Variants in NLRP4 observed in about 807,000 individuals in gnomAD.
NLRP4 encodes the protein NACHT, LRR and PYD domains-containing protein 4.
Under a neutral mutation model 84.7 loss-of-function variants are expected in NLRP4, and 44 were observed. That is an observed-to-expected ratio of 0.52 (90% CI 0.41 to 0.67). The LOEUF is 0.67. NLRP4 is among the 30% of genes least tolerant of loss of function. The pLI is 0.00. For synonymous variants in NLRP4, 544 were observed against 476.4 expected (o/e 1.14, Z -1.85); for missense variants, 1,260 against 1,219.4 (o/e 1.03, Z -0.50).
In NLRP4 at chr19:55,858,131, T is replaced by C. The variant is rs771035481; in HGVS notation, c.738T>C (p.Asp246=). The C allele has an allele frequency of 1.2e-5, 20 of 1,614,104 alleles. No individual in the cohort carries two copies. The highest frequency in any genetic ancestry group is 3.3e-5 in the Admixed American group (2 of 60,004). ...GCGGCTTGAACGAACCCGATTCGGA[T>C]CTGTGTGGTGACTTGATGGAGAAAC... The part of the protein sequence containing the change: ...LQGGLNEPDS[D]LCGDLMEKRP... The change falls in exon 3 of 10, where the codon GAT becomes GAC. Residue 246 remains aspartate (D), a synonymous_variant. Transcript: ENST00000301295. The surrounding 1 kb of genome is among the most constrained non-coding windows in gnomAD (Gnocchi z 4.2).
intron 1 of NLRP4, among the ~76,000 whole-genome samples, chr19:55,846,149 T>C (rs1456194462): frequency 1.3e-5 from 2 of 152,240 alleles, no homozygotes; most frequent in Non-Finnish European, 2.9e-5. Flanking sequence ...GTTTTTCTGG[T>C]TTTAGGTCTA....
rs983991445 is a variant in NLRP4, at chr19:55,857,843, A to G, written c.450A>G (p.Thr150=). ...AGGAAGCTGGGAAACAGCCACGTACAGTGATCATTCAAGGACCACAAGGAA... is the reference window on the plus strand; with the variant it reads ...AGGAAGCTGGGAAACAGCCACGTACGGTGATCATTCAAGGACCACAAGGAA... ...APKEAGKQPR[T]VIIQGPQGIG... is the part of the protein sequence containing the mutation. The change falls in exon 3 of 10, where the codon ACA becomes ACG. Residue 150 remains threonine (T), a synonymous_variant. Coordinates refer to ENST00000301295, the MANE Select transcript of NLRP4 (RefSeq NM_134444.5). 1.2e-6 allele frequency: 2 copies of G among 1,614,012 alleles called. No individual in the cohort carries two copies. The highest frequency in any genetic ancestry group is 1.7e-6 in the Non-Finnish European group (2 of 1,179,872).
At chr19:55,856,897 G>A (rs756633115) in intron 2 of NLRP4, among the ~76,000 whole-genome samples, 12 of 152,160 alleles carry the variant, frequency 7.9e-5, no homozygotes, top group Non-Finnish European at 1.6e-4. Context: ...GAATGGATGC[G>A]AGGTGCCATT....
At chr19:55,838,089 C>T (rs543834343) in intron 1 of NLRP4, among the ~76,000 whole-genome samples, 19 of 150,764 alleles carry the variant, frequency 1.3e-4, no homozygotes, top group African/African-American at 3.4e-4. Flanking sequence ...GAGGCCGAGG[C>T]GGGTGGATCA....
At position 55,857,930 on chromosome 19, in the gene NLRP4, G is replaced by T. The variant is rs1478721869; in HGVS notation, c.537G>T (p.Arg179=). Residue 179 remains arginine, a synonymous_variant, in exon 3 of 10, where the codon CGG becomes CGT. Coordinates refer to ENST00000301295, the MANE Select transcript of NLRP4 (RefSeq NM_134444.5). The part of the protein sequence containing the change: ...MMAWSDNKIF[R]DRFLYTFYFC... ...CCTGGTCGGACAACAAGATCTTTCG[G>T]GATAGGTTCCTGTACACGTTCTATT... 6.2e-7 allele frequency: 1 copy of T among 1,614,038 alleles called. No individual in the cohort carries two copies. The highest frequency in any genetic ancestry group is 2.2e-5 in the East Asian group (1 of 44,892).
At chr19:55,874,476 C>T (rs1332570544) in intron 7 of NLRP4, among the ~76,000 whole-genome samples, 1 of 152,068 alleles carries the variant, frequency 6.6e-6, no homozygotes, top group Non-Finnish European at 1.5e-5. Context: ...ACAGATGCTA[C>T]AGATATTAAA....
intron 6 of NLRP4, among the ~76,000 whole-genome samples, chr19:55,868,638 G>A (rs1985056247): frequency 6.6e-6 from 1 of 151,954 alleles, no homozygotes; most frequent in South Asian, 2.1e-4. Context: ...AAGTAGCTGA[G>A]ATTACAGGCA....
Position 55,867,849 on chromosome 19 carries a change from G to A in NLRP4, c.2327G>A (p.Ser776Asn). 6.2e-7 allele frequency: 1 copy of A among 1,614,154 alleles called. No individual in the cohort carries two copies. Among genetic ancestry groups the A allele is most frequent in the Non-Finnish European group, 8.5e-7 (1 of 1,179,992 alleles). ...GVPLLCEALC[S>N]PDTVLVYLML... Reference sequence around the variant, plus strand: ...CCCCTTTTGTGTGAAGCCCTGTGCAGCCCAGACACGGTCCTGGTATACCTG... The same window carrying A: ...CCCCTTTTGTGTGAAGCCCTGTGCAACCCAGACACGGTCCTGGTATACCTG... Residue 776 changes from serine to asparagine, a missense_variant, in exon 6 of 10, where the codon AGC becomes AAC. Physicochemically the swap from Ser to Asn is conservative, Grantham distance 46. This residue lies in a region of NLRP4 where 544 missense variants were observed against 531.7 expected (regional missense o/e 1.02). Transcript: ENST00000301295.
intron 7 of NLRP4, among the ~76,000 whole-genome samples, chr19:55,871,840 A>G (rs1001503669): frequency 1.4e-5 from 2 of 146,928 alleles, no homozygotes; most frequent in African/African-American, 5.1e-5. Flanking sequence ...GCTAAACAGA[A>G]ATAATCTTTT....
intron 5 of NLRP4, among the ~76,000 whole-genome samples, chr19:55,863,715 A>T (rs1022118579): frequency 6.6e-6 from 1 of 152,124 alleles, no homozygotes; most frequent in Non-Finnish European, 1.5e-5. Context: ...GGTACAGGAG[A>T]ATGATGAACC....
chr19:55,848,937 C>T (rs546456907), intron 1 of NLRP4, among the ~76,000 whole-genome samples: 6 of 152,158 alleles, frequency 3.9e-5, no homozygotes, highest in South Asian at 2.1e-4. Flanking sequence ...GTCGTTTGGT[C>T]CTCTCTTGTC....
intron 7 of NLRP4, among the ~76,000 whole-genome samples, chr19:55,875,172 T>TA (rs1985322325): frequency 6.6e-6 from 1 of 152,200 alleles, no homozygotes; most frequent in Admixed American, 6.5e-5. Context: ...TTCAATATCA[T>TA]GAAAAAGATA....
At chr19:55,843,169 G>T (rs1377355711) in intron 1 of NLRP4, among the ~76,000 whole-genome samples, 1 of 152,066 alleles carries the variant, frequency 6.6e-6, no homozygotes, top group African/African-American at 2.4e-5. Context: ...CACCTGATCA[G>T]GTCAGCTGTC....
rs369016879 is a variant in NLRP4, at chr19:55,867,305, T to C, written c.2187-404T>C. Among the ~76,000 whole-genome samples, 291 of 138,306 alleles carry C rather than the reference T, an allele frequency of 2.1e-3. 3 individuals carry two copies. The highest frequency in any genetic ancestry group is 7.8e-3 in the African/African-American group (286 of 36,700). The allele number at this position is 138,306 out of a possible 152,430, so 90.7% of individuals were successfully genotyped here. On this transcript the variant is annotated intron_variant, in intron 5 of 9. Transcript: ENST00000301295. ...TGTACCCCAGAGACCGTAAGCCAAG[T>C]GTGCATGTAACTGAGACTGTGTCTC...
intron 7 of NLRP4, 91 bp downstream of exon 7, chr19:55,871,088 T>C: frequency 1.8e-6 from 2 of 1,122,400 alleles, no homozygotes; most frequent in Non-Finnish European, 2.6e-6. Flanking sequence ...AGGAAGGCTG[T>C]AGTGTCTGTG....
intron 1 of NLRP4, among the ~76,000 whole-genome samples, chr19:55,837,265 C>G (rs1983365971): frequency 6.6e-6 from 1 of 152,020 alleles, no homozygotes. Context: ...GGGTCCTATT[C>G]TTAATACCTG....
intron 8 of NLRP4, among the ~76,000 whole-genome samples, chr19:55,877,526 G>T (rs1985419485): frequency 6.6e-6 from 1 of 152,148 alleles, no homozygotes; most frequent in African/African-American, 2.4e-5. Flanking sequence ...TAACTGGTTG[G>T]CCTGGGCTCA....
At chr19:55,850,598 C>CGGTGTAATTTCCGTGGCTGT (rs1984056523) in intron 1 of NLRP4, among the ~76,000 whole-genome samples, 1 of 97,470 alleles carries the variant, frequency 1.0e-5, no homozygotes, top group Non-Finnish European at 1.9e-5. Flanking sequence ...TCCGTGGCTG[C>CGGTGTAATTTCCGTGGCTGT]GGTGTAATTT....
At chr19:55,852,485 T>C in intron 2 of NLRP4, 125 bp downstream of exon 2, 1 of 653,494 alleles carries the variant, frequency 1.5e-6, no homozygotes, top group Non-Finnish European at 2.5e-6. Flanking sequence ...GGTTTTTTTT[T>C]TTTTTTTTTT....
Sources: gnomAD v4.1 joint callset for allele counts (sites outside exome capture counted in the v4.1 genomes callset) on GRCh38, gnomAD v4.1.1 for gene constraint, gnomAD v4.1.1 regional missense constraint, Gnocchi (gnomAD v3.1) non-coding constraint, MANE v1.5 for transcripts, NCBI Gene and HGNC (gene_info 2026-07-23, HGNC 2026-07-21) for gene names.